The following DAB1 variants were observed in gnomAD, a reference collection of about 807,000 sequenced individuals.
DAB1 encodes the protein DAB adaptor protein 1.
DAB1 carries 15 observed loss-of-function variants against 64.6 expected under a neutral mutation model. The ratio of observed to expected loss-of-function variants is 0.23; its 90% CI spans 0.16 to 0.36. The LOEUF (loss-of-function observed/expected upper bound fraction) is 0.36, where lower values mean the gene tolerates loss of function less well. DAB1 is among the 10% of genes least tolerant of loss of function. The probability of loss-of-function intolerance (pLI) is 1.00; values close to 1 mark genes in which losing one functional copy is unlikely to be tolerated. For missense variants in DAB1, 596 were observed against 706.7 expected (o/e 0.84, Z 1.78); for synonymous variants, 235 against 251.9 (o/e 0.93, Z 0.64).
intron 9 of DAB1, among the ~76,000 whole-genome samples, chr1:57,051,908 C>T (rs1275896455): frequency 1.3e-5 from 2 of 152,024 alleles, no homozygotes; most frequent in Non-Finnish European, 2.9e-5. Flanking sequence ...GTATTAATTC[C>T]AACTAAGCTA....
At chr1:57,564,831 C>A (rs1028029528) in intron 7 of DAB1, among the ~76,000 whole-genome samples, 1 of 152,174 alleles carries the variant, frequency 6.6e-6, no homozygotes, top group Non-Finnish European at 1.5e-5. Flanking sequence ...GAGAATGGAA[C>A]CAAGTTGGAA....
intron 4 of DAB1, among the ~76,000 whole-genome samples, chr1:58,156,317 A>T (rs1570426747): frequency 6.6e-6 from 1 of 152,204 alleles, no homozygotes; most frequent in African/African-American, 2.4e-5. Flanking sequence ...TAGCAAAAAA[A>T]GTAGCTTCTC....
intron 4 of DAB1, among the ~76,000 whole-genome samples, chr1:58,267,653 C>A (rs1306916628): frequency 6.6e-6 from 1 of 152,044 alleles, no homozygotes; most frequent in Non-Finnish European, 1.5e-5. Flanking sequence ...GGATGGTTCC[C>A]CAGAGAAATG....
At chr1:57,832,257 C>A (rs1348796807) in intron 1 of DAB1, among the ~76,000 whole-genome samples, 4 of 152,098 alleles carry the variant, frequency 2.6e-5, no homozygotes, top group African/African-American at 9.7e-5. Flanking sequence ...GGGTGGGAAA[C>A]AGAAGAATAA....
intron 1 of DAB1, among the ~76,000 whole-genome samples, chr1:57,296,701 T>C (rs1673222570): frequency 6.6e-6 from 1 of 152,140 alleles, no homozygotes; most frequent in African/African-American, 2.4e-5. Context: ...CACAAATCTA[T>C]ACTGATGACA....
At chr1:57,141,916 T>C (rs996826916) in intron 3 of DAB1, among the ~76,000 whole-genome samples, 1 of 152,146 alleles carries the variant, frequency 6.6e-6, no homozygotes, top group African/African-American at 2.4e-5. Flanking sequence ...ACAGGCCCTC[T>C]TGGTGTCTGG....
At chr1:58,169,320 G>A (rs984191717) in intron 4 of DAB1, among the ~76,000 whole-genome samples, 12 of 151,820 alleles carry the variant, frequency 7.9e-5, no homozygotes, top group South Asian at 6.3e-4. Flanking sequence ...CAACTATTCC[G>A]ATCAGCAGGG....
chr1:57,932,075 A>C (rs1030470522), intron 5 of DAB1, among the ~76,000 whole-genome samples: 25 of 152,122 alleles, frequency 1.6e-4, no homozygotes, highest in African/African-American at 9.7e-5. Flanking sequence ...AAATATTTTT[A>C]AATTTCTCTT....
chr1:57,083,827 A>T (rs1652796971), intron 4 of DAB1, among the ~76,000 whole-genome samples: 1 of 152,204 alleles, frequency 6.6e-6, no homozygotes, highest in South Asian at 2.1e-4. Flanking sequence ...ACAGGTCAGC[A>T]TCTGAAACCC....
intron 6 of DAB1, among the ~76,000 whole-genome samples, chr1:57,777,034 A>T (rs3131747): frequency 0.59 from 87,942 of 150,286 alleles, 25,876 homozygotes; most frequent in East Asian, 0.65. Flanking sequence ...TTCTAAAAAA[A>T]TTCCAATATT....
intron 7 of DAB1, among the ~76,000 whole-genome samples, chr1:57,643,037 C>T (rs2101644970): frequency 6.6e-6 from 1 of 152,322 alleles, no homozygotes; most frequent in Non-Finnish European, 1.5e-5. Context: ...GCTATTTCTT[C>T]AACTTTGGCT....
chr1:57,812,943 G>A (rs1651696235), intron 6 of DAB1, among the ~76,000 whole-genome samples: 4 of 152,130 alleles, frequency 2.6e-5, no homozygotes, highest in Admixed American at 2.6e-4. Flanking sequence ...CTGCTCTGGT[G>A]TGTGGTCTAC....
chr1:58,385,453 C>A (rs993893070), intron 3 of DAB1, among the ~76,000 whole-genome samples: 3 of 152,300 alleles, frequency 2.0e-5, no homozygotes, highest in African/African-American at 7.2e-5. Flanking sequence ...GTTGAGATCA[C>A]TTTTTCTTCC....
chr1:57,615,633 T>C (rs1645782509), intron 7 of DAB1, among the ~76,000 whole-genome samples: 1 of 152,204 alleles, frequency 6.6e-6, no homozygotes, highest in Non-Finnish European at 1.5e-5. Context: ...CTGTCATTTG[T>C]ACCAAATACT....
intron 7 of DAB1, among the ~76,000 whole-genome samples, chr1:57,545,873 A>G (rs1405652925): frequency 1.3e-5 from 2 of 152,166 alleles, no homozygotes; most frequent in Non-Finnish European, 2.9e-5. Flanking sequence ...TGCTCAATAA[A>G]TTTTTATTGA....
intron 2 of DAB1, among the ~76,000 whole-genome samples, chr1:58,507,182 A>G (rs1478038401): frequency 6.6e-6 from 1 of 151,932 alleles, no homozygotes; most frequent in African/African-American, 2.4e-5. Context: ...TAATTTGTTC[A>G]ATTTATTCAC....
chr1:58,422,097 C>G (rs945339144), intron 3 of DAB1, among the ~76,000 whole-genome samples: 2 of 152,022 alleles, frequency 1.3e-5, no homozygotes, highest in African/African-American at 4.8e-5. Flanking sequence ...GCACTAGAAC[C>G]AGAACGCATT....
intron 1 of DAB1, among the ~76,000 whole-genome samples, chr1:57,300,924 G>C (rs973333521): frequency 6.6e-6 from 1 of 151,922 alleles, no homozygotes; most frequent in Non-Finnish European, 1.5e-5. Context: ...CACCACAGTG[G>C]GATAACAGGG....
At chr1:57,783,579 T>C (rs930875217) in intron 6 of DAB1, among the ~76,000 whole-genome samples, 1 of 152,184 alleles carries the variant, frequency 6.6e-6, no homozygotes, top group African/African-American at 2.4e-5. Flanking sequence ...TTGTGCACCA[T>C]TTTATTGCCT....
Sources: gnomAD v4.1 joint callset for allele counts (sites outside exome capture counted in the v4.1 genomes callset) on GRCh38, gnomAD v4.1.1 for gene constraint, MANE v1.5 for transcripts, NCBI Gene and HGNC (gene_info 2026-07-23, HGNC 2026-07-21) for gene names.